The following C7orf78 variants were observed in gnomAD, a reference collection of about 807,000 sequenced individuals.
The protein encoded by C7orf78 is putative uncharacterized protein C7orf78.
At chr7:12,510,924 A>T in the C7orf78 span, among the ~76,000 whole-genome samples, 6 of 151,958 alleles carry the variant, frequency 3.9e-5, no homozygotes, top group African/African-American at 9.7e-5. Context: ...TGTTTTTGTT[A>T]GTTATGCTTT....
the C7orf78 span, among the ~76,000 whole-genome samples, chr7:12,495,957 A>G: frequency 0.096 from 14,486 of 150,836 alleles, 850 homozygotes; most frequent in Non-Finnish European, 0.13. Context: ...ACGGAGTCTC[A>G]CTCTTTCGCC....
the C7orf78 span, among the ~76,000 whole-genome samples, chr7:12,529,602 G>A: frequency 3.9e-3 from 592 of 152,284 alleles, 1 homozygote; most frequent in Non-Finnish European, 6.0e-3. Flanking sequence ...TACATTTTAG[G>A]GAGATAGAAG....
the C7orf78 span, among the ~76,000 whole-genome samples, chr7:12,536,129 C>T: frequency 6.6e-6 from 1 of 152,214 alleles, no homozygotes; most frequent in Admixed American, 6.5e-5. Flanking sequence ...GGGGCTCCCA[C>T]AGCACATTAC....
the C7orf78 span, among the ~76,000 whole-genome samples, chr7:12,487,464 G>C: frequency 3.9e-5 from 6 of 152,068 alleles, no homozygotes; most frequent in Non-Finnish European, 7.4e-5. Flanking sequence ...AGCAAGGAGA[G>C]AGTAAACCAA....
chr7:12,506,349 T>G, the C7orf78 span, among the ~76,000 whole-genome samples: 1 of 142,770 alleles, frequency 7.0e-6, no homozygotes, highest in Admixed American at 6.9e-5. Context: ...ACACATATGT[T>G]TATTACGGCA....
the C7orf78 span, chr7:12,523,223 G>T: frequency 2.6e-6 from 1 of 389,768 alleles, no homozygotes; most frequent in Non-Finnish European, 4.5e-6. Context: ...AATTAAGGAA[G>T]AAAAAAGGAG....
the C7orf78 span, chr7:12,528,759 A>C: frequency 2.6e-6 from 1 of 391,994 alleles, no homozygotes; most frequent in Admixed American, 4.4e-5. Flanking sequence ...GAATAAGAAA[A>C]GTTTTGTTTA....
chr7:12,541,256 T>A, the C7orf78 span: 2 of 152,216 alleles, frequency 1.3e-5, no homozygotes, highest in African/African-American at 4.8e-5. Flanking sequence ...AAAGCTAATG[T>A]GAGACAAACA....
chr7:12,494,301 G>C, the C7orf78 span, among the ~76,000 whole-genome samples: 1 of 152,180 alleles, frequency 6.6e-6, no homozygotes, highest in Non-Finnish European at 1.5e-5. Context: ...CATGGTGCAT[G>C]ATGGATGCTT....
the C7orf78 span, among the ~76,000 whole-genome samples, chr7:12,498,861 G>C: frequency 6.6e-6 from 1 of 151,284 alleles, no homozygotes; most frequent in East Asian, 1.9e-4. Context: ...TCAAAGGGAA[G>C]CCCATCAGAC....
At chr7:12,506,879 A>G in the C7orf78 span, 1 of 471,180 alleles carries the variant, frequency 2.1e-6, no homozygotes, top group East Asian at 6.4e-5. Flanking sequence ...ACAGTGTTGT[A>G]TAACAAGTTT....
chr7:12,489,727 C>T, the C7orf78 span, among the ~76,000 whole-genome samples: 1 of 152,040 alleles, frequency 6.6e-6, no homozygotes. Context: ...GACAAAAAAC[C>T]ACAGGCAAAA....
the C7orf78 span, among the ~76,000 whole-genome samples, chr7:12,514,760 C>G: frequency 3.3e-5 from 5 of 152,074 alleles, no homozygotes; most frequent in African/African-American, 1.2e-4. Context: ...GATGACTGAT[C>G]CTTTCCCTTT....
the C7orf78 span, chr7:12,507,144 C>CAA: frequency 1.7e-3 from 192 of 115,704 alleles, no homozygotes; most frequent in Middle Eastern, 0.013. Flanking sequence ...ACTAAAAATA[C>CAA]AAAAAAAAAA....
At chr7:12,526,533 T>A in the C7orf78 span, among the ~76,000 whole-genome samples, 2 of 152,168 alleles carry the variant, frequency 1.3e-5, no homozygotes, top group African/African-American at 4.8e-5. Context: ...TGTTTGTCTC[T>A]GGATAGTGAG....
the C7orf78 span, among the ~76,000 whole-genome samples, chr7:12,521,757 CA>C: frequency 3.6e-3 from 534 of 149,878 alleles, 6 homozygotes; most frequent in African/African-American, 0.013. Context: ...TTTTCCTGTT[CA>C]AAATATTTTA....
chr7:12,523,057 A>G, the C7orf78 span: 1 of 398,384 alleles, frequency 2.5e-6, no homozygotes, highest in Non-Finnish European at 4.4e-6. Flanking sequence ...AGAGGCTGCA[A>G]TATCCTTCAC....
the C7orf78 span, among the ~76,000 whole-genome samples, chr7:12,516,902 C>T: frequency 6.6e-6 from 1 of 152,158 alleles, no homozygotes; most frequent in Non-Finnish European, 1.5e-5. Context: ...ATTTTACAGG[C>T]TCATAGGCGG....
chr7:12,490,998 C>T, the C7orf78 span: 1 of 152,022 alleles, frequency 6.6e-6, no homozygotes, highest in Non-Finnish European at 1.5e-5. Context: ...GAAGTTGAGA[C>T]TTCTCGGTGC....
Sources: allele counts gnomAD v4.1 joint callset (sites outside exome capture counted in the v4.1 genomes callset), GRCh38; gene constraint gnomAD v4.1.1; transcripts MANE v1.5; gene names NCBI Gene and HGNC (gene_info 2026-07-23, HGNC 2026-07-21).